The following KCNMA1 variants were observed in gnomAD, a reference collection of about 807,000 sequenced individuals.
KCNMA1 encodes Calcium-activated potassium channel subunit alpha-1.
A neutral mutation model predicts 140.0 loss-of-function variants in KCNMA1; 29 were observed. The observed-to-expected ratio is 0.21, with a 90% CI of 0.15 to 0.28. The LOEUF (loss-of-function observed/expected upper bound fraction) is 0.28, where lower values mean the gene tolerates loss of function less well. Ranked by LOEUF, KCNMA1 falls within the 10% of genes least tolerant of loss-of-function variation. The pLI is 1.00. For synonymous variants in KCNMA1, 612 were observed against 611.9 expected, an observed-to-expected ratio of 1.00 and a Z score of 0.00; for missense variants, 880 against 1,602.2, an observed-to-expected ratio of 0.55 and a Z score of 7.70.
At chr10:77,247,600 G>A (rs1325973877) in intron 3 of KCNMA1, among the ~76,000 whole-genome samples, 1 of 152,210 alleles carries the variant, frequency 6.6e-6, no homozygotes, top group African/African-American at 2.4e-5. Flanking sequence ...AGGAACTAAA[G>A]TGACGTGTGA....
chr10:77,293,145 G>T (rs2073878266), intron 2 of KCNMA1, among the ~76,000 whole-genome samples: 1 of 152,200 alleles, frequency 6.6e-6, no homozygotes. Context: ...GAGCAATGGG[G>T]GATGTGTCAG....
chr10:76,905,357 T>C (rs902118353), intron 25 of KCNMA1, among the ~76,000 whole-genome samples: 2 of 152,192 alleles, frequency 1.3e-5, no homozygotes, highest in Non-Finnish European at 2.9e-5. Flanking sequence ...CTAGCCAGCG[T>C]ATCCAGAAAC....
chr10:76,940,122 A>G (rs985322349), intron 23 of KCNMA1, among the ~76,000 whole-genome samples: 2 of 152,216 alleles, frequency 1.3e-5, no homozygotes, highest in Non-Finnish European at 2.9e-5. Context: ...TGCCTGCTGT[A>G]TATTAAAACT....
At chr10:77,137,086 G>C (rs1439019553) in intron 5 of KCNMA1, among the ~76,000 whole-genome samples, 1 of 151,978 alleles carries the variant, frequency 6.6e-6, no homozygotes, top group Non-Finnish European at 1.5e-5. Context: ...CAGAGTTACT[G>C]TACTGACAGA....
intron 14 of KCNMA1, among the ~76,000 whole-genome samples, chr10:77,064,638 T>A (rs1418711928): frequency 6.6e-6 from 1 of 152,222 alleles, no homozygotes; most frequent in Non-Finnish European, 1.5e-5. Flanking sequence ...GAAGTTACTC[T>A]ACTTTCAGGT....
intron 1 of KCNMA1, among the ~76,000 whole-genome samples, chr10:77,449,508 C>T (rs1223716038): frequency 4.4e-5 from 4 of 91,362 alleles, no homozygotes; most frequent in Non-Finnish European, 7.7e-5. Flanking sequence ...GAGAGGTTTC[C>T]AGGATTAGGG....
intron 3 of KCNMA1, among the ~76,000 whole-genome samples, chr10:77,185,598 ATT>A (rs398046317): frequency 2.1e-5 from 3 of 144,674 alleles, no homozygotes; most frequent in Non-Finnish European, 3.0e-5. Flanking sequence ...CTAAGGGTTA[ATT>A]TTTTTTTTTT....
intron 23 of KCNMA1, among the ~76,000 whole-genome samples, chr10:76,915,575 A>C (rs2052469860): frequency 6.6e-6 from 1 of 152,342 alleles, no homozygotes; most frequent in East Asian, 1.9e-4. Flanking sequence ...GAGTGAGTCA[A>C]GAATAAAGCT....
rs577191302 is a variant in KCNMA1, at chr10:77,590,400, C to T, written c.378+46865G>A. Among the ~76,000 whole-genome samples, 29 of 152,348 alleles carry T rather than the reference C, an allele frequency of 1.9e-4. No individual in the cohort carries two copies. The South Asian group carries it at 5.6e-3, about 29-fold the overall frequency. On this transcript the variant is annotated intron_variant, in intron 1 of 27. Transcript: ENST00000286628. The stretch of plus-strand genomic sequence containing the variant: ...GAGGGGCAGGGAGGCTCAGGCATGG[C>T]GGGCTGCAGGTCCTGAGCCCTGCCC...
intron 1 of KCNMA1, among the ~76,000 whole-genome samples, chr10:77,524,696 T>C (rs1236742671): frequency 6.6e-6 from 1 of 152,168 alleles, no homozygotes; most frequent in African/African-American, 2.4e-5. Context: ...TTGCTTTATT[T>C]AGGGTGGCAG....
rs2097202558 is a variant in KCNMA1, at chr10:77,433,917, G to A, written c.379-29894C>T. 3 of 152,136 alleles carry A rather than the reference G, an allele frequency of 2.0e-5. No individual in the cohort carries two copies. The South Asian group carries it at 6.2e-4, about 32-fold the overall frequency. The allele number at this position is 152,136 out of a possible 1,614,324, so 9.4% of individuals were successfully genotyped here. ...AGGGACTGTATCATAATATCCTAAT[G>A]GTCCCGAGGCTGATTCCCACGCCAC... On this transcript the variant is annotated intron_variant, in intron 1 of 27. Coordinates refer to ENST00000286628, the MANE Select transcript of KCNMA1 (RefSeq NM_001161352.2).
chr10:77,285,891 A>G (rs1343834845), intron 2 of KCNMA1, among the ~76,000 whole-genome samples: 1 of 152,186 alleles, frequency 6.6e-6, no homozygotes, highest in East Asian at 1.9e-4. Context: ...GATGTGTGAA[A>G]AGTACTTACT....
At chr10:77,045,368 G>A (rs191690942) in intron 14 of KCNMA1, among the ~76,000 whole-genome samples, 47 of 152,276 alleles carry the variant, frequency 3.1e-4, no homozygotes, top group East Asian at 7.7e-4. Context: ...TTAGAAGAGC[G>A]CCTAGCAAAG....
chr10:77,204,019 C>T (rs1356991716), intron 3 of KCNMA1, among the ~76,000 whole-genome samples: 1 of 151,404 alleles, frequency 6.6e-6, no homozygotes, highest in Non-Finnish European at 1.5e-5. Context: ...TCACTTGAAT[C>T]CATGAGGTGG....
chr10:77,137,566 G>C (rs1271818020), intron 5 of KCNMA1, among the ~76,000 whole-genome samples: 1 of 152,110 alleles, frequency 6.6e-6, no homozygotes, highest in African/African-American at 2.4e-5. Flanking sequence ...CCCCAGCTTG[G>C]TCACTGTGAG....
chr10:76,899,504 TA>T (rs2044119282), intron 25 of KCNMA1, among the ~76,000 whole-genome samples: 13 of 152,290 alleles, frequency 8.5e-5, no homozygotes, highest in Admixed American at 7.9e-4. Flanking sequence ...ATTACTTTTT[TA>T]AAATAAGGTT....
chr10:77,525,377 C>T (rs943567085), intron 1 of KCNMA1, among the ~76,000 whole-genome samples: 1 of 152,188 alleles, frequency 6.6e-6, no homozygotes, highest in Non-Finnish European at 1.5e-5. Context: ...TTTAACTTTA[C>T]TCTTTCTCAT....
At chr10:77,019,122 C>T (rs759810954) in intron 16 of KCNMA1, 23 bp from the exon 17 acceptor site, 1 of 1,240,078 alleles carries the variant, frequency 8.1e-7, no homozygotes, top group Admixed American at 1.7e-5. Flanking sequence ...CAAAAACAAA[C>T]AGAGAAGATA....
intron 27 of KCNMA1, among the ~76,000 whole-genome samples, 191 bp downstream of exon 27, chr10:76,889,260 T>C (rs2151789975): frequency 6.6e-6 from 1 of 152,340 alleles, no homozygotes; most frequent in East Asian, 1.9e-4. Flanking sequence ...AAAATGTCTT[T>C]ACATCTACTA....
Sources: allele counts gnomAD v4.1 joint callset (sites outside exome capture counted in the v4.1 genomes callset), GRCh38; gene constraint gnomAD v4.1.1; transcripts MANE v1.5; gene names NCBI Gene and HGNC (gene_info 2026-07-23, HGNC 2026-07-21).